LYZL4: variants seen among roughly 807,000 people sequenced by gnomAD.
The protein encoded by LYZL4 is lysozyme like 4, also known as lysozyme-like protein 4.
Under a neutral mutation model 17.6 loss-of-function variants are expected in LYZL4, and 13 were observed. That is an observed-to-expected ratio of 0.74 (90% CI 0.48 to 1.18). The LOEUF is 1.18. Ranked by LOEUF, LYZL4 falls within the 50% of genes most tolerant of loss-of-function variation. The probability of loss-of-function intolerance (pLI) is 0.00; values close to 1 mark genes in which losing one functional copy is unlikely to be tolerated. For missense variants in LYZL4, 174 were observed against 188.2 expected, an observed-to-expected ratio of 0.92 and a Z score of 0.44; for synonymous variants, 64 against 67.7, an observed-to-expected ratio of 0.95 and a Z score of 0.27.
chr3:42,398,370 A>G (rs1331203850), intron 4 of LYZL4, among the ~76,000 whole-genome samples: 1 of 152,198 alleles, frequency 6.6e-6, no homozygotes, highest in Non-Finnish European at 1.5e-5. Context: ...ACTCAGTGCC[A>G]TACACTAAAT....
At chr3:42,372,816 GA>G in the LYZL4 span, among the ~76,000 whole-genome samples, 1 of 152,204 alleles carries the variant, frequency 6.6e-6, no homozygotes, top group East Asian at 1.9e-4. Context: ...ATGTGCATGG[GA>G]AAGATCACTG....
chr3:42,407,591 T>A, intron 1 of LYZL4: 1 of 271,288 alleles, frequency 3.7e-6, no homozygotes, highest in South Asian at 6.8e-5. Flanking sequence ...TGGGTTTGTA[T>A]CTCACTCATT....
chr3:42,402,136 TAAAAAA>T (rs61260579), intron 4 of LYZL4, among the ~76,000 whole-genome samples: 2 of 124,062 alleles, frequency 1.6e-5, no homozygotes, highest in South Asian at 5.4e-4. Context: ...TTGAGAAGGT[TAAAAAA>T]AAAAAAAAAA....
the LYZL4 span, among the ~76,000 whole-genome samples, chr3:42,373,919 T>C: frequency 2.6e-5 from 4 of 152,156 alleles, no homozygotes; most frequent in South Asian, 4.1e-4. Flanking sequence ...TATATATATA[T>C]GGGTTAGGCT....
At chr3:42,391,842 G>A in the LYZL4 span, among the ~76,000 whole-genome samples, 5 of 151,948 alleles carry the variant, frequency 3.3e-5, no homozygotes, top group Admixed American at 3.3e-4. Flanking sequence ...CAAGCAGGGA[G>A]GGAGAAAGTG....
the LYZL4 span, among the ~76,000 whole-genome samples, chr3:42,366,269 C>T: frequency 0.061 from 9,272 of 152,236 alleles, 377 homozygotes; most frequent in Middle Eastern, 0.099. Context: ...AAACTTTGAC[C>T]TGATCTTTTC....
chr3:42,405,088 T>G (rs979292645), intron 3 of LYZL4, among the ~76,000 whole-genome samples: 18 of 152,084 alleles, frequency 1.2e-4, no homozygotes, highest in African/African-American at 4.1e-4. Context: ...TCGCTCTGTC[T>G]CCCAGGCTGG....
the LYZL4 span, among the ~76,000 whole-genome samples, chr3:42,379,619 C>CT: frequency 0.28 from 42,706 of 152,092 alleles, 7,069 homozygotes; most frequent in South Asian, 0.51. Context: ...TGCTTCATCA[C>CT]TGGGAGTTAT....
chr3:42,370,568 G>A, the LYZL4 span, among the ~76,000 whole-genome samples: 1 of 152,198 alleles, frequency 6.6e-6, no homozygotes, highest in Non-Finnish European at 1.5e-5. Flanking sequence ...AAAATGAAAT[G>A]TTTGTTGTTG....
At chr3:42,402,874 T>C (rs1256915074) in intron 4 of LYZL4, among the ~76,000 whole-genome samples, 1 of 152,188 alleles carries the variant, frequency 6.6e-6, no homozygotes, top group Admixed American at 6.5e-5. Context: ...GAGGAATGCA[T>C]AAGTAACCTG....
At chr3:42,401,194 A>T (rs1356943348) in intron 4 of LYZL4, among the ~76,000 whole-genome samples, 1 of 152,152 alleles carries the variant, frequency 6.6e-6, no homozygotes, top group Non-Finnish European at 1.5e-5. Context: ...AAAAGGGGGC[A>T]TCATAATAAA....
At chr3:42,397,385 C>A (rs375053316) in intron 4 of LYZL4, 51 bp from the exon 5 acceptor site, 2 of 1,327,158 alleles carry the variant, frequency 1.5e-6, no homozygotes, top group Non-Finnish European at 2.1e-6. Context: ...AACTCAGGGT[C>A]TCCAGGGCTT....
the LYZL4 span, among the ~76,000 whole-genome samples, chr3:42,387,912 G>A: frequency 1.3e-5 from 2 of 152,076 alleles, no homozygotes; most frequent in Non-Finnish European, 1.5e-5. Flanking sequence ...AAATCTCACT[G>A]GGCCACAGAG....
chr3:42,383,710 G>T, the LYZL4 span, among the ~76,000 whole-genome samples: 1 of 151,892 alleles, frequency 6.6e-6, no homozygotes, highest in African/African-American at 2.4e-5. Flanking sequence ...AAAAAAGGGA[G>T]AAAGAAACAT....
the LYZL4 span, among the ~76,000 whole-genome samples, chr3:42,383,637 C>T: frequency 6.6e-6 from 1 of 151,508 alleles, no homozygotes; most frequent in Non-Finnish European, 1.5e-5. Context: ...AAGAAACTAA[C>T]AAAAATGTAT....
At chr3:42,381,833 G>T in the LYZL4 span, among the ~76,000 whole-genome samples, 1 of 152,206 alleles carries the variant, frequency 6.6e-6, no homozygotes, top group Non-Finnish European at 1.5e-5. Flanking sequence ...CTCAGTGGGA[G>T]AGACCTCCCT....
rs143574533 is a variant in LYZL4, at chr3:42,404,990, G to A, written c.293-866C>T. On this transcript the variant is annotated intron_variant, in intron 3 of 4. Transcript: ENST00000287748. ...ATTCCATTTTATGTTCACAGAAACC[G>A]TAAGTGGTTGTTAATGTCCCCATTT... Among the ~76,000 whole-genome samples the A allele has an allele frequency of 6.1e-3, 934 of 152,162 alleles. 25 individuals carry two copies. Among genetic ancestry groups the A allele is most frequent in the East Asian group, 0.054 (281 of 5,182 alleles).
the LYZL4 span, among the ~76,000 whole-genome samples, chr3:42,361,111 G>A: frequency 2.0e-5 from 3 of 152,092 alleles, no homozygotes; most frequent in Non-Finnish European, 4.4e-5. Context: ...TTAGTTTCTA[G>A]TTTATCTTTC....
At chr3:42,405,669 C>A (rs1208002807) in intron 3 of LYZL4, among the ~76,000 whole-genome samples, 1 of 152,078 alleles carries the variant, frequency 6.6e-6, no homozygotes, top group Non-Finnish European at 1.5e-5. Context: ...GGTGCTTAGG[C>A]AGGAAGACCG....
Sources: allele counts gnomAD v4.1 joint callset (sites outside exome capture counted in the v4.1 genomes callset), GRCh38; gene constraint gnomAD v4.1.1; transcripts MANE v1.5; gene names NCBI Gene and HGNC (gene_info 2026-07-23, HGNC 2026-07-21).